The following TMEM132D variants were observed in gnomAD, a reference collection of about 807,000 sequenced individuals.
TMEM132D encodes transmembrane protein 132D.
TMEM132D carries 21 observed loss-of-function variants against 62.3 expected under a neutral mutation model. That is an observed-to-expected ratio of 0.34 (90% confidence interval 0.24 to 0.49). The LOEUF is 0.49. TMEM132D is among the 20% of genes least tolerant of loss of function. TMEM132D has a pLI of 0.99. For missense variants in TMEM132D, 1,346 were observed against 1,402.8 expected (o/e 0.96, Z 0.65); for synonymous variants, 621 against 575.6 (o/e 1.08, Z -1.13).
At chr12:129,108,159 C>T (rs1227635666) in intron 5 of TMEM132D, among the ~76,000 whole-genome samples, 1 of 152,138 alleles carries the variant, frequency 6.6e-6, no homozygotes, top group Non-Finnish European at 1.5e-5. Context: ...ACAGTTATGT[C>T]CCTACTGAGA....
intron 3 of TMEM132D, among the ~76,000 whole-genome samples, chr12:129,410,264 G>A (rs1029778842): frequency 2.6e-5 from 4 of 152,156 alleles, no homozygotes; most frequent in Non-Finnish European, 5.9e-5. Flanking sequence ...AGAGTTTACC[G>A]GCATGCAACA....
chr12:129,763,259 G>A (rs921606101), intron 1 of TMEM132D, among the ~76,000 whole-genome samples: 18 of 152,080 alleles, frequency 1.2e-4, no homozygotes, highest in African/African-American at 4.3e-4. Flanking sequence ...TGTATTTCTT[G>A]TAGAGATGGG....
At chr12:129,163,527 C>T (rs899322942) in intron 5 of TMEM132D, among the ~76,000 whole-genome samples, 2 of 152,170 alleles carry the variant, frequency 1.3e-5, no homozygotes, top group Non-Finnish European at 2.9e-5. Context: ...GACAGAAAGG[C>T]TGGTGTGTTT....
rs1051565655 is a variant in TMEM132D at position 129,627,589 on chromosome 12, AAACT to A, written c.968+72217_968+72220del. On this transcript the variant is annotated intron_variant, in intron 2 of 8. Coordinates refer to ENST00000422113, the MANE Select transcript of TMEM132D (RefSeq NM_133448.3). ...CAGAAACCTTTTTTTTAGAGAATAA[AAACT>A]AACATATACACACAATATATACACA... Among the ~76,000 whole-genome samples, 13 of 152,312 alleles carry A rather than the reference AAACT, an allele frequency of 8.5e-5. No individual in the cohort carries two copies. The South Asian group carries it at 1.7e-3, about 19-fold the overall frequency.
chr12:129,154,845 CT>C (rs2135537783), intron 5 of TMEM132D, among the ~76,000 whole-genome samples: 1 of 152,226 alleles, frequency 6.6e-6, no homozygotes, highest in Admixed American at 6.5e-5. Context: ...TTTGCCCTGG[CT>C]TTTAGTTGCC....
At chr12:129,609,513 T>C (rs1449898727) in intron 2 of TMEM132D, among the ~76,000 whole-genome samples, 1 of 152,096 alleles carries the variant, frequency 6.6e-6, no homozygotes, top group Non-Finnish European at 1.5e-5. Context: ...GCCTGGGAAG[T>C]CAATCCTGGT....
chr12:129,530,194 T>C (rs1378833541), intron 3 of TMEM132D, among the ~76,000 whole-genome samples: 1 of 152,188 alleles, frequency 6.6e-6, no homozygotes, highest in East Asian at 1.9e-4. Context: ...AGTTATCAGC[T>C]GAGATTCCTG....
At chr12:129,114,200 C>T (rs1875813486) in intron 5 of TMEM132D, among the ~76,000 whole-genome samples, 1 of 152,138 alleles carries the variant, frequency 6.6e-6, no homozygotes, top group African/African-American at 2.4e-5. Context: ...TTATTTGTTC[C>T]CTGTTCCCAG....
At chr12:129,743,485 C>T (rs1018976185) in intron 1 of TMEM132D, among the ~76,000 whole-genome samples, 1 of 152,170 alleles carries the variant, frequency 6.6e-6, no homozygotes, top group Non-Finnish European at 1.5e-5. Flanking sequence ...TCCCCTTCTG[C>T]CATGGTTGTA....
intron 1 of TMEM132D, among the ~76,000 whole-genome samples, chr12:129,893,889 C>G (rs568952473): frequency 5.3e-5 from 8 of 152,234 alleles, no homozygotes; most frequent in Non-Finnish European, 1.2e-4. Flanking sequence ...TTGCTCCACA[C>G]CTTCCCATCC....
At chr12:129,743,576 G>A (rs1869676467) in intron 1 of TMEM132D, among the ~76,000 whole-genome samples, 2 of 152,118 alleles carry the variant, frequency 1.3e-5, no homozygotes, top group East Asian at 3.9e-4. Context: ...TTTCAGGTAG[G>A]TCTTTATTAG....
intron 1 of TMEM132D, among the ~76,000 whole-genome samples, chr12:129,765,604 T>G (rs1403864474): frequency 6.6e-6 from 1 of 150,908 alleles, no homozygotes; most frequent in Admixed American, 6.6e-5. Context: ...AAAAAAGAAA[T>G]TCAAATTCTG....
At chr12:129,232,925 G>T (rs769583596) in intron 4 of TMEM132D, among the ~76,000 whole-genome samples, 1 of 151,912 alleles carries the variant, frequency 6.6e-6, no homozygotes, top group Admixed American at 6.6e-5. Flanking sequence ...GAACAGCACC[G>T]GGGAAATCAC....
intron 2 of TMEM132D, among the ~76,000 whole-genome samples, chr12:129,581,902 C>G (rs528798347): frequency 6.6e-6 from 1 of 152,204 alleles, no homozygotes; most frequent in Non-Finnish European, 1.5e-5. Flanking sequence ...TTATAACACA[C>G]GCAGACTGAG....
intron 1 of TMEM132D, among the ~76,000 whole-genome samples, chr12:129,706,939 A>G (rs1254270922): frequency 6.6e-6 from 1 of 151,746 alleles, no homozygotes; most frequent in African/African-American, 2.4e-5. Flanking sequence ...TATGTGAAGC[A>G]GCCAAAGATG....
chr12:129,135,510 G>C (rs992144869), intron 5 of TMEM132D, among the ~76,000 whole-genome samples: 1 of 152,212 alleles, frequency 6.6e-6, no homozygotes, highest in Admixed American at 6.5e-5. Context: ...GCACAAGTGG[G>C]TGATGCATAA....
intron 2 of TMEM132D, among the ~76,000 whole-genome samples, chr12:129,635,734 G>A (rs367933116): frequency 1.3e-5 from 2 of 152,210 alleles, no homozygotes; most frequent in Non-Finnish European, 2.9e-5. Context: ...GCCAAGCTCT[G>A]TAAAATATTT....
At chr12:129,733,437 C>T (rs536049393) in intron 1 of TMEM132D, among the ~76,000 whole-genome samples, 8 of 152,234 alleles carry the variant, frequency 5.3e-5, no homozygotes, top group South Asian at 4.1e-4. Context: ...ACCAGTCACG[C>T]GGGTGAATGA....
At chr12:129,648,340 G>A (rs553845863) in intron 2 of TMEM132D, among the ~76,000 whole-genome samples, 4 of 152,196 alleles carry the variant, frequency 2.6e-5, no homozygotes, top group South Asian at 2.1e-4. Flanking sequence ...TAACCAATCC[G>A]CATTCCCTAT....
Sources: allele counts gnomAD v4.1 joint callset (sites outside exome capture counted in the v4.1 genomes callset), GRCh38; gene constraint gnomAD v4.1.1; transcripts MANE v1.5; gene names NCBI Gene and HGNC (gene_info 2026-07-23, HGNC 2026-07-21).